SEC22A: variants seen among roughly 807,000 people sequenced by gnomAD.
SEC22A encodes the protein SEC22 homolog A, vesicle trafficking protein.
Under a neutral mutation model 35.3 loss-of-function variants are expected in SEC22A, and 22 were observed. That is an observed-to-expected ratio of 0.62 (90% CI 0.45 to 0.89). The LOEUF is 0.89. Among genes scored for constraint, SEC22A ranks in the 40% least tolerant of loss-of-function variants. The probability of loss-of-function intolerance (pLI) is 0.00; values close to 1 mark genes in which losing one functional copy is unlikely to be tolerated. For missense variants in SEC22A, 354 were observed against 362.5 expected (o/e 0.98, Z 0.19); for synonymous variants, 119 against 129.5 (o/e 0.92, Z 0.55).
At chr3:123,269,175 A>ATGTGTG (rs1491362924) in intron 6 of SEC22A, among the ~76,000 whole-genome samples, 4 of 79,420 alleles carry the variant, frequency 5.0e-5, no homozygotes, top group African/African-American at 1.8e-4. Flanking sequence ...CTTGAATTAA[A>ATGTGTG]TATATGTGTG....
chr3:123,241,907 C>A (rs1261420032), intron 4 of SEC22A, among the ~76,000 whole-genome samples: 4 of 151,398 alleles, frequency 2.6e-5, no homozygotes, highest in Non-Finnish European at 5.9e-5. Flanking sequence ...TGCATGTTCT[C>A]ACTTATTTGT....
chr3:123,224,277 C>A (rs1029584852), intron 3 of SEC22A, among the ~76,000 whole-genome samples: 5 of 141,540 alleles, frequency 3.5e-5, no homozygotes, highest in Admixed American at 6.8e-5. Context: ...AAAAAAAAAA[C>A]ACCATGTTGT....
chr3:123,234,325 G>A lies in SEC22A; in HGVS notation c.541+9028G>A, dbSNP rs188211268. On this transcript the variant is annotated intron_variant, in intron 4 of 6. Coordinates refer to ENST00000492595, the MANE Select transcript of SEC22A (RefSeq NM_012430.5). ...ATGGAGCATAGCCAAAATAATCTTG[G>A]AAAATCTTGGAAAAGTACAAAGTTG... Among the ~76,000 whole-genome samples, 331 of 152,086 alleles carry A rather than the reference G, an allele frequency of 2.2e-3. 3 individuals carry two copies. The highest frequency in any genetic ancestry group is 1.8e-3 in the Non-Finnish European group (121 of 67,996).
intron 5 of SEC22A, among the ~76,000 whole-genome samples, chr3:123,252,776 A>T (rs1214249648): frequency 6.6e-6 from 1 of 152,228 alleles, no homozygotes; most frequent in Non-Finnish European, 1.5e-5. Context: ...TCACAGGGTG[A>T]TAGCAAGGGA....
chr3:123,242,067 T>G (rs1937529059), intron 4 of SEC22A, among the ~76,000 whole-genome samples: 2 of 152,164 alleles, frequency 1.3e-5, no homozygotes, highest in African/African-American at 4.8e-5. Context: ...AGCCATATCT[T>G]TCTTCTTGAT....
intron 6 of SEC22A, among the ~76,000 whole-genome samples, chr3:123,263,373 C>A (rs1354309165): frequency 6.6e-6 from 1 of 152,234 alleles, no homozygotes; most frequent in African/African-American, 2.4e-5. Flanking sequence ...CTTCCTCCTC[C>A]TACATAGTCA....
intron 4 of SEC22A, 76 bp downstream of exon 4, chr3:123,225,373 CT>C: frequency 1.2e-6 from 1 of 855,374 alleles, no homozygotes; most frequent in Non-Finnish European, 1.8e-6. Context: ...AAATGAATTA[CT>C]TTATTCTAAT....
At chr3:123,211,024 T>C (rs558558046) in intron 2 of SEC22A, among the ~76,000 whole-genome samples, 2 of 152,232 alleles carry the variant, frequency 1.3e-5, no homozygotes, top group South Asian at 4.1e-4. Context: ...AAAGTTCAGA[T>C]TGAAGGACGT....
intron 5 of SEC22A, among the ~76,000 whole-genome samples, chr3:123,258,617 C>T (rs1268622960): frequency 2.0e-5 from 3 of 151,920 alleles, no homozygotes; most frequent in Admixed American, 6.6e-5. Flanking sequence ...AATCAGTTGC[C>T]CAATAACCAG....
chr3:123,219,676 TTAC>T (rs1449572176), intron 2 of SEC22A, among the ~76,000 whole-genome samples: 1 of 152,200 alleles, frequency 6.6e-6, no homozygotes, highest in Non-Finnish European at 1.5e-5. Flanking sequence ...GCTATTACTC[TTAC>T]TACTATTTCT....
At chr3:123,215,898 G>A (rs1191373045) in intron 2 of SEC22A, among the ~76,000 whole-genome samples, 2 of 152,178 alleles carry the variant, frequency 1.3e-5, no homozygotes, top group Non-Finnish European at 2.9e-5. Context: ...AACAGAGTAT[G>A]TGTGAATCCT....
At chr3:123,267,642 T>C (rs1429414987) in intron 6 of SEC22A, among the ~76,000 whole-genome samples, 1 of 152,182 alleles carries the variant, frequency 6.6e-6, no homozygotes, top group Non-Finnish European at 1.5e-5. Context: ...TTTACCCATA[T>C]TTTTGCATAC....
At chr3:123,264,796 TTTTG>T (rs575629849) in intron 6 of SEC22A, among the ~76,000 whole-genome samples, 42 of 151,928 alleles carry the variant, frequency 2.8e-4, no homozygotes, top group African/African-American at 6.3e-4. Context: ...GCCTAGCTAA[TTTTG>T]TTTGTTTGTT....
chr3:123,263,524 G>GT (rs1338700040), intron 6 of SEC22A, among the ~76,000 whole-genome samples: 1 of 152,072 alleles, frequency 6.6e-6, no homozygotes, highest in Non-Finnish European at 1.5e-5. Context: ...GCATTTTTTT[G>GT]TTGTTTTTTT....
intron 5 of SEC22A, among the ~76,000 whole-genome samples, chr3:123,259,168 G>A (rs2108097075): frequency 6.6e-6 from 1 of 152,242 alleles, no homozygotes; most frequent in African/African-American, 2.4e-5. Flanking sequence ...CTAGTGAGCT[G>A]GAGTAACTTT....
At chr3:123,232,278 CCTT>C (rs1210437537) in intron 4 of SEC22A, among the ~76,000 whole-genome samples, 4 of 152,074 alleles carry the variant, frequency 2.6e-5, no homozygotes, top group African/African-American at 7.2e-5. Flanking sequence ...TTTCTACTGA[CCTT>C]CTAGAAATAA....
intron 5 of SEC22A, among the ~76,000 whole-genome samples, chr3:123,252,444 A>AC (rs1167175914): frequency 2.0e-5 from 3 of 152,146 alleles, no homozygotes; most frequent in Non-Finnish European, 4.4e-5. Flanking sequence ...GAAGGGCAGT[A>AC]CCCCAGATTG....
At chr3:123,211,960 C>T (rs771473468) in intron 2 of SEC22A, among the ~76,000 whole-genome samples, 8 of 152,034 alleles carry the variant, frequency 5.3e-5, no homozygotes, top group South Asian at 2.1e-4. Flanking sequence ...TGGCGACATA[C>T]GTGGGAGGAT....
In SEC22A at chr3:123,271,946, C is replaced by G. The variant is rs1576508480; in HGVS notation, c.*224C>G. 1.8e-6 allele frequency: 1 copy of G among 564,800 alleles called. No individual in the cohort carries two copies. The highest frequency in any genetic ancestry group is 3.1e-5 in the Admixed American group (1 of 32,172). The allele number at this position is 564,800 out of a possible 1,614,324, so 35.0% of individuals were successfully genotyped here. ...TCATTCAGAGGAGGAGGGGATTTCTCTCTTCAAGGCCGTAACAGTGGAAGA... is the reference window on the plus strand; with the variant it reads ...TCATTCAGAGGAGGAGGGGATTTCTGTCTTCAAGGCCGTAACAGTGGAAGA... On this transcript the variant is annotated 3_prime_UTR_variant, in exon 7 of 7. Transcript: ENST00000492595.
Sources: gnomAD v4.1 joint callset for allele counts (sites outside exome capture counted in the v4.1 genomes callset) on GRCh38, gnomAD v4.1.1 for gene constraint, MANE v1.5 for transcripts, NCBI Gene and HGNC (gene_info 2026-07-23, HGNC 2026-07-21) for gene names.